Variants in KIF3A observed in about 807,000 individuals in gnomAD.
KIF3A encodes the protein kinesin family member 3A.
Under a neutral mutation model 92.6 loss-of-function variants are expected in KIF3A, and 27 were observed. The ratio of observed to expected loss-of-function variants is 0.29; its 90% CI spans 0.21 to 0.40. The LOEUF (loss-of-function observed/expected upper bound fraction) is 0.40, where lower values mean the gene tolerates loss of function less well. KIF3A is among the 10% of genes least tolerant of loss of function. The pLI, the probability that KIF3A is intolerant of heterozygous loss-of-function variation, is 1.00. For synonymous variants in KIF3A, 250 were observed against 275.4 expected, an observed-to-expected ratio of 0.91 and a Z score of 0.92; for missense variants, 581 against 872.6, an observed-to-expected ratio of 0.67 and a Z score of 4.21.
chr5:132,696,603 AATTTTTATTGTGACTT>A lies in KIF3A; in HGVS notation c.*15_*30del, dbSNP rs776548288. On this transcript the variant is annotated 3_prime_UTR_variant, in exon 19 of 19. Coordinates refer to ENST00000403231, the MANE Select transcript of KIF3A (RefSeq NM_001300791.2). The stretch of plus-strand genomic sequence containing the variant: ...TTTGTCCAGGCATGAGAATATCACT[AATTTTTATTGTGACTT>A]TAAGTCTGTAACATTTACTGCAGTA... The A allele has an allele frequency of 4.2e-6, 6 of 1,429,674 alleles. No individual in the cohort carries two copies. Among genetic ancestry groups the A allele is most frequent in the Non-Finnish European group, 5.9e-6 (6 of 1,015,944 alleles). The allele number at this position is 1,429,674 out of a possible 1,614,324, so 88.6% of individuals were successfully genotyped here.
intron 9 of KIF3A, among the ~76,000 whole-genome samples, chr5:132,710,131 TAAAC>T (rs1294359850): frequency 6.6e-6 from 1 of 152,184 alleles, no homozygotes; most frequent in Non-Finnish European, 1.5e-5. Flanking sequence ...CTGATCATAA[TAAAC>T]AGTCTTAATT....
Position 132,734,356 on chromosome 5 carries a change from C to G in KIF3A, c.129G>C (p.Arg43Ser). 6.2e-7 allele frequency: 1 copy of G among 1,613,908 alleles called. No individual in the cohort carries two copies. The highest frequency in any genetic ancestry group is 1.1e-5 in the South Asian group (1 of 91,064). Residue 43 changes from arginine (R) to serine (S), a missense_variant, in exon 2 of 19, where the codon AGG becomes AGC. Coordinates refer to ENST00000403231, the MANE Select transcript of KIF3A (RefSeq NM_001300791.2). ...CAGTCTTATGTACAGTGATAGTTCC[C>G]CTCATCTCATCCACACTGACAGCCT... ...YKQAVSVDEM[R>S]GTITVHKTDS...
At chr5:132,734,104 T>C in intron 2 of KIF3A, 101 bp downstream of exon 2, 1 of 905,900 alleles carries the variant, frequency 1.1e-6, no homozygotes, top group East Asian at 2.5e-5. Flanking sequence ...ACTGTATATA[T>C]TTACTACACT....
In KIF3A at chr5:132,724,812, TATATA is replaced by T. The variant is rs1753970345; in HGVS notation, c.510+1311_510+1315del. ...TATAATAAAAAAAAAAAAAAATATA[TATATA>T]TATATATATATATATATATATATAT... On this transcript the variant is annotated intron_variant, in intron 4 of 18. Coordinates refer to ENST00000403231, the MANE Select transcript of KIF3A (RefSeq NM_001300791.2). Among the ~76,000 whole-genome samples, 35 of 12,450 alleles carry T rather than the reference TATATA, an allele frequency of 2.8e-3. 3 individuals carry two copies. Among genetic ancestry groups the T allele is most frequent in the Middle Eastern group, 0.042 (1 of 24 alleles). The allele number at this position is 12,450 out of a possible 152,430, so 8.2% of individuals were successfully genotyped here. A position where few individuals can be genotyped will look rare whatever the true frequency, so the allele number is the denominator to read the frequency against.
At position 132,692,927 on chromosome 5, in the gene KIF3A, T is replaced by C. The variant is rs1752705165; in HGVS notation, c.*3707A>G. On this transcript the variant is annotated 3_prime_UTR_variant, in exon 19 of 19. Coordinates refer to ENST00000403231, the MANE Select transcript of KIF3A (RefSeq NM_001300791.2). Reference sequence around the variant, plus strand: ...AATAATTTAAAATAAAACAAATGTATACATTAGGAAATTGGGCAGACATTG... The same window carrying C: ...AATAATTTAAAATAAAACAAATGTACACATTAGGAAATTGGGCAGACATTG... 1 of 152,624 alleles carries C rather than the reference T, an allele frequency of 6.6e-6. No homozygotes were observed. The highest frequency in any genetic ancestry group is 2.1e-4 in the South Asian group (1 of 4,828). The allele number at this position is 152,624 out of a possible 1,614,324, so 9.5% of individuals were successfully genotyped here.
At position 132,734,221 on chromosome 5, in the gene KIF3A, T is replaced by C; in HGVS notation, c.264A>G (p.Val88=). Residue 88 remains valine (V), a synonymous_variant, in exon 2 of 19, where the codon GTA becomes GTG. Coordinates refer to ENST00000403231, the MANE Select transcript of KIF3A (RefSeq NM_001300791.2). ...NLTARPIIDS[V]LEGYNGTIFA... ...TTCACTTACCATTGTAGCCTTCAAGTACAGAATCAATAATAGGTCTTGCAG... is the reference window on the plus strand; with the variant it reads ...TTCACTTACCATTGTAGCCTTCAAGCACAGAATCAATAATAGGTCTTGCAG... 1.9e-6 allele frequency: 3 copies of C among 1,612,990 alleles called. No individual in the cohort carries two copies. Among genetic ancestry groups the C allele is most frequent in the Non-Finnish European group, 2.5e-6 (3 of 1,179,428 alleles).
intron 4 of KIF3A, chr5:132,721,257 G>C (rs1179382747): frequency 6.6e-6 from 1 of 152,260 alleles, no homozygotes; most frequent in Non-Finnish European, 1.5e-5. Context: ...TCAAGCAACT[G>C]AGGGAAATAA....
intron 5 of KIF3A, among the ~76,000 whole-genome samples, chr5:132,717,320 T>TATGC (rs1212151356): frequency 6.6e-6 from 1 of 152,120 alleles, no homozygotes; most frequent in Non-Finnish European, 1.5e-5. Context: ...TAAAGAGAAG[T>TATGC]ATGCATGCTG....
At chr5:132,708,883 G>C in intron 10 of KIF3A, 24 bp downstream of exon 10, 2 of 1,502,736 alleles carry the variant, frequency 1.3e-6, no homozygotes, top group East Asian at 2.5e-5. Flanking sequence ...AGCTCTGTTA[G>C]AGAATGTAAG....
chr5:132,706,122 T>C (rs1000925600), intron 11 of KIF3A, among the ~76,000 whole-genome samples: 3 of 152,118 alleles, frequency 2.0e-5, no homozygotes, highest in East Asian at 1.9e-4. Flanking sequence ...GCAGTCCTAA[T>C]TGAATTAATT....
At chr5:132,730,711 C>T (rs1754199386) in intron 2 of KIF3A, among the ~76,000 whole-genome samples, 1 of 151,750 alleles carries the variant, frequency 6.6e-6, no homozygotes, top group Non-Finnish European at 1.5e-5. Context: ...GGGAGGATCG[C>T]TTGAGCCCGG....
At chr5:132,711,246 C>T (rs539484732) in intron 8 of KIF3A, among the ~76,000 whole-genome samples, 189 bp from the exon 9 acceptor site, 2 of 152,216 alleles carry the variant, frequency 1.3e-5, no homozygotes, top group Admixed American at 1.3e-4. Context: ...TCCAAAAAGA[C>T]TTTATTTTTA....
chr5:132,708,392 C>T (rs779161654), intron 10 of KIF3A, among the ~76,000 whole-genome samples: 4 of 151,674 alleles, frequency 2.6e-5, no homozygotes, highest in Non-Finnish European at 5.9e-5. Context: ...TCTTTACTTG[C>T]TTCAAGCTTT....
chr5:132,699,999 T>C (rs1451852879), intron 17 of KIF3A, among the ~76,000 whole-genome samples: 1 of 152,106 alleles, frequency 6.6e-6, no homozygotes. Context: ...ATGCCCCTCT[T>C]GTGGTGGGAA....
chr5:132,730,924 T>C (rs776908891), intron 2 of KIF3A, among the ~76,000 whole-genome samples: 9 of 152,214 alleles, frequency 5.9e-5, no homozygotes, highest in Non-Finnish European at 1.2e-4. Context: ...TGAGCTGTGA[T>C]TGTGCCACTG....
intron 2 of KIF3A, 59 bp downstream of exon 2, chr5:132,734,146 T>C (rs1470587971): frequency 1.5e-6 from 2 of 1,329,594 alleles, no homozygotes; most frequent in Non-Finnish European, 2.1e-6. Context: ...TATGTGAATT[T>C]ATGGCACAGT....
rs1023596820 is a variant in KIF3A at position 132,696,007 on chromosome 5, T to C, written c.*627A>G. ...AAAAAAAAGTTAGGAAAGGTTCAGA[T>C]GAAACATTTTCAACTTGTTAAAAAA... On this transcript the variant is annotated 3_prime_UTR_variant, in exon 19 of 19. Coordinates refer to ENST00000403231, the MANE Select transcript of KIF3A (RefSeq NM_001300791.2). 5.2e-5 allele frequency: 8 copies of C among 152,678 alleles called. No homozygotes were observed. Among genetic ancestry groups the C allele is most frequent in the African/African-American group, 1.9e-4 (8 of 41,590 alleles). 9.5% of individuals were successfully genotyped at this position (152,678 alleles called of 1,614,324 possible).
In KIF3A at chr5:132,737,502, G is replaced by A. The variant is rs1043748372; in HGVS notation, c.-83C>T. On this transcript the variant is annotated 5_prime_UTR_variant, in exon 1 of 19. Coordinates refer to ENST00000403231, the MANE Select transcript of KIF3A (RefSeq NM_001300791.2). ...CGGGTGCGCAGAAAGGATGGCCAGA[G>A]ACTACCGAAACACCTCGTTGACGCT... 14 of 1,525,862 alleles carry A rather than the reference G, an allele frequency of 9.2e-6. No homozygotes were observed. The highest frequency in any genetic ancestry group is 4.2e-5 in the African/African-American group (3 of 71,942). The allele number at this position is 1,525,862 out of a possible 1,614,324, so 94.5% of individuals were successfully genotyped here.
intron 4 of KIF3A, 144 bp downstream of exon 4, chr5:132,725,984 T>G (rs1754019855): frequency 2.0e-6 from 1 of 511,366 alleles, no homozygotes. Flanking sequence ...CCCAGATATG[T>G]CTGCAGATGT....
Sources: allele counts gnomAD v4.1 joint callset (sites outside exome capture counted in the v4.1 genomes callset), GRCh38; gene constraint gnomAD v4.1.1; transcripts MANE v1.5; gene names NCBI Gene and HGNC (gene_info 2026-07-23, HGNC 2026-07-21).